The following STPG2 variants were observed in gnomAD, a reference collection of about 807,000 sequenced individuals.
STPG2 encodes sperm tail PG-rich repeat containing 2.
In STPG2, 56 loss-of-function variants were observed where a neutral mutation model predicts 54.2. The ratio of observed to expected loss-of-function variants is 1.03; its 90% CI spans 0.83 to 1.29. The LOEUF (loss-of-function observed/expected upper bound fraction) is 1.29. Among genes scored for constraint, STPG2 ranks in the 50% most tolerant of loss-of-function variants. The probability of loss-of-function intolerance (pLI) is 0.00; values close to 1 mark genes in which losing one functional copy is unlikely to be tolerated. For missense variants in STPG2, 596 were observed against 544.9 expected, an observed-to-expected ratio of 1.09 and a Z score of -0.93; for synonymous variants, 200 against 181.8, an observed-to-expected ratio of 1.10 and a Z score of -0.81.
chr4:98,128,329 A>G, intron 3 of STPG2, 99 bp downstream of exon 3: 1 of 1,143,562 alleles, frequency 8.7e-7, no homozygotes, highest in South Asian at 2.1e-5. Flanking sequence ...AAAACGTGTA[A>G]TCATTTTTTT....
chr4:97,963,662 T>C (rs1439602809), intron 7 of STPG2, among the ~76,000 whole-genome samples: 3 of 151,508 alleles, frequency 2.0e-5, no homozygotes, highest in Admixed American at 1.3e-4. Context: ...GAAATACATA[T>C]ATATATAAAT....
chr4:98,017,884 C>G (rs1015730305), intron 5 of STPG2, among the ~76,000 whole-genome samples: 42 of 152,152 alleles, frequency 2.8e-4, no homozygotes, highest in Non-Finnish European at 6.0e-4. Context: ...CATTCTCTCT[C>G]TCTCTCTCCT....
intron 8 of STPG2, among the ~76,000 whole-genome samples, chr4:97,877,078 T>A (rs1372149706): frequency 6.6e-6 from 1 of 152,214 alleles, no homozygotes; most frequent in Non-Finnish European, 1.5e-5. Context: ...CCTTAACAAT[T>A]TATCATGTTT....
chr4:97,825,298 T>C (rs1227271364), intron 9 of STPG2, among the ~76,000 whole-genome samples: 1 of 152,206 alleles, frequency 6.6e-6, no homozygotes, highest in Non-Finnish European at 1.5e-5. Flanking sequence ...ACAAATTACT[T>C]CACATTATGA....
intron 9 of STPG2, among the ~76,000 whole-genome samples, chr4:97,775,835 C>G (rs1028775363): frequency 6.6e-6 from 1 of 152,182 alleles, no homozygotes; most frequent in East Asian, 1.9e-4. Context: ...AGTCTTGGCT[C>G]ATTGCAACCT....
At chr4:97,593,805 G>A (rs1433086631) in intron 10 of STPG2, among the ~76,000 whole-genome samples, 1 of 152,118 alleles carries the variant, frequency 6.6e-6, no homozygotes, top group Non-Finnish European at 1.5e-5. Context: ...CTCAAATGCA[G>A]AAGGTTCACA....
intron 8 of STPG2, among the ~76,000 whole-genome samples, chr4:97,874,004 T>C (rs1475093726): frequency 6.6e-6 from 1 of 151,448 alleles, no homozygotes; most frequent in Non-Finnish European, 1.5e-5. Context: ...GTAATTAAAA[T>C]AAAACAATGG....
At chr4:97,468,855 C>T (rs1729854345) in intron 4 of STPG2, among the ~76,000 whole-genome samples, 1 of 151,934 alleles carries the variant, frequency 6.6e-6, no homozygotes, top group African/African-American at 2.4e-5. Flanking sequence ...CTAAGAAAAG[C>T]AGTTTTATTT....
intron 8 of STPG2, among the ~76,000 whole-genome samples, chr4:97,918,565 A>G (rs1731974548): frequency 6.6e-6 from 1 of 152,028 alleles, no homozygotes; most frequent in Non-Finnish European, 1.5e-5. Flanking sequence ...ATAAATATAT[A>G]TGTGTATGTG....
At chr4:97,460,879 C>T (rs182859373) in intron 4 of STPG2, among the ~76,000 whole-genome samples, 1 of 152,292 alleles carries the variant, frequency 6.6e-6, no homozygotes, top group Non-Finnish European at 1.5e-5. Flanking sequence ...AGAAAATTTG[C>T]TCTTGAGTCT....
chr4:97,973,329 G>A (rs1224157632), intron 6 of STPG2, among the ~76,000 whole-genome samples: 1 of 152,310 alleles, frequency 6.6e-6, no homozygotes. Flanking sequence ...TTGAACTGGA[G>A]AGACATGATT....
At chr4:97,818,400 A>G (rs1410083358) in intron 9 of STPG2, among the ~76,000 whole-genome samples, 1 of 151,904 alleles carries the variant, frequency 6.6e-6, no homozygotes. Context: ...ACTAATCATA[A>G]AGTAGAACAA....
intron 4 of STPG2, among the ~76,000 whole-genome samples, chr4:97,549,085 G>A (rs1366310795): frequency 2.5e-5 from 1 of 39,522 alleles, no homozygotes; most frequent in Non-Finnish European, 4.6e-5. Flanking sequence ...GTTCAGACAT[G>A]GTATTGAATG....
intron 10 of STPG2, among the ~76,000 whole-genome samples, chr4:97,645,105 A>G (rs936388166): frequency 6.6e-6 from 1 of 152,088 alleles, no homozygotes; most frequent in Non-Finnish European, 1.5e-5. Flanking sequence ...ATCAAATATT[A>G]TTTAGAGTAT....
chr4:97,940,501 T>G (rs945144976), intron 8 of STPG2, among the ~76,000 whole-genome samples: 1 of 152,210 alleles, frequency 6.6e-6, no homozygotes, highest in Non-Finnish European at 1.5e-5. Flanking sequence ...CATTCCTTTT[T>G]GTTCTTTTTT....
chr4:97,968,027 G>T (rs1408757193), intron 7 of STPG2, among the ~76,000 whole-genome samples: 1 of 151,998 alleles, frequency 6.6e-6, no homozygotes, highest in Non-Finnish European at 1.5e-5. Flanking sequence ...AACTGAAGGA[G>T]AGAGAGAAAC....
At chr4:97,685,294 T>A (rs1321691010) in intron 10 of STPG2, among the ~76,000 whole-genome samples, 1 of 152,052 alleles carries the variant, frequency 6.6e-6, no homozygotes, top group East Asian at 1.9e-4. Context: ...TTCATAATTG[T>A]CAAAATTGGA....
chr4:97,606,410 C>G (rs913939218), intron 10 of STPG2, among the ~76,000 whole-genome samples: 1 of 151,788 alleles, frequency 6.6e-6, no homozygotes, highest in African/African-American at 2.4e-5. Context: ...GTGGTACTCT[C>G]TATCAGTGAG....
chr4:97,534,099 A>G (rs1731476371), intron 4 of STPG2, among the ~76,000 whole-genome samples: 1 of 152,134 alleles, frequency 6.6e-6, no homozygotes, highest in Non-Finnish European at 1.5e-5. Context: ...TTTTAGGCAT[A>G]TAAGTGGGTG....
Sources: allele counts gnomAD v4.1 joint callset (sites outside exome capture counted in the v4.1 genomes callset), GRCh38; gene constraint gnomAD v4.1.1; transcripts MANE v1.5; gene names NCBI Gene and HGNC (gene_info 2026-07-23, HGNC 2026-07-21).